DYM: variants seen among roughly 807,000 people sequenced by gnomAD.
DYM encodes the protein dymeclin.
Under a neutral mutation model 93.1 loss-of-function variants are expected in DYM, and 78 were observed. That is an observed-to-expected ratio of 0.84 (90% CI 0.70 to 1.01). DYM has a LOEUF of 1.01. DYM is among the 50% of genes least tolerant of loss of function. The pLI is 0.00. For missense variants in DYM, 789 were observed against 845.0 expected, an observed-to-expected ratio of 0.93 and a Z score of 0.82; for synonymous variants, 321 against 319.7, an observed-to-expected ratio of 1.00 and a Z score of -0.04.
intron 2 of DYM, among the ~76,000 whole-genome samples, chr18:49,395,431 A>T (rs1018970580): frequency 3.9e-5 from 6 of 152,100 alleles, no homozygotes; most frequent in Admixed American, 1.3e-4. Context: ...GGAGTTCAAG[A>T]CCAGCCTGAC....
intron 1 of DYM, among the ~76,000 whole-genome samples, chr18:49,446,627 G>T (rs1348866149): frequency 6.6e-6 from 1 of 152,164 alleles, no homozygotes; most frequent in East Asian, 1.9e-4. Flanking sequence ...CCACTATGTG[G>T]CCAGCAGTAT....
chr18:49,148,162 G>C (rs981080653), intron 15 of DYM, among the ~76,000 whole-genome samples: 10 of 152,100 alleles, frequency 6.6e-5, no homozygotes, highest in Non-Finnish European at 1.3e-4. Context: ...ATGGACACAG[G>C]AAGGGGAACA....
intron 14 of DYM, among the ~76,000 whole-genome samples, chr18:49,185,984 A>C (rs1438102868): frequency 6.6e-6 from 1 of 152,170 alleles, no homozygotes; most frequent in Non-Finnish European, 1.5e-5. Flanking sequence ...ACGATGTGTC[A>C]CTTTCAAAAC....
rs1024459797 is a variant in DYM at position 49,114,066 on chromosome 18, C to T, written c.1911+4678G>A. ...TGCTCTCCCTTCCTCCTAGGGATGG[C>T]GAAAGGGCCAATGACATAAAGCCCC... On this transcript the variant is annotated intron_variant, in intron 16 of 17. Coordinates refer to ENST00000675505, the MANE Select transcript of DYM (RefSeq NM_001353214.3). Among the ~76,000 whole-genome samples, 11 of 152,240 alleles carry T rather than the reference C, an allele frequency of 7.2e-5. No individual in the cohort carries two copies. In the South Asian group the frequency reaches 1.5e-3, roughly 20 times the overall value.
chr18:49,075,163 A>C (rs1447288422), intron 17 of DYM, among the ~76,000 whole-genome samples: 1 of 152,084 alleles, frequency 6.6e-6, no homozygotes, highest in Non-Finnish European at 1.5e-5. Flanking sequence ...AGGACCCATA[A>C]CCCTAAGGAC....
At chr18:49,198,179 T>C (rs897785721) in intron 14 of DYM, among the ~76,000 whole-genome samples, 5 of 152,168 alleles carry the variant, frequency 3.3e-5, no homozygotes, top group Admixed American at 6.5e-5. Context: ...GCTAGCCATA[T>C]GGAGAAAACT....
intron 17 of DYM, among the ~76,000 whole-genome samples, chr18:49,052,385 T>A (rs2075102126): frequency 6.6e-6 from 1 of 152,248 alleles, no homozygotes; most frequent in Non-Finnish European, 1.5e-5. Context: ...CCCTCTAAGA[T>A]GTCTTAGAAG....
At chr18:49,451,129 T>G (rs1472809621) in intron 1 of DYM, among the ~76,000 whole-genome samples, 1 of 152,254 alleles carries the variant, frequency 6.6e-6, no homozygotes, top group Non-Finnish European at 1.5e-5. Flanking sequence ...TCAAGGAAAC[T>G]TATTTTGAAC....
At chr18:49,452,092 G>C (rs768877046) in intron 1 of DYM, among the ~76,000 whole-genome samples, 2 of 152,230 alleles carry the variant, frequency 1.3e-5, no homozygotes, top group Non-Finnish European at 2.9e-5. Context: ...TTGACTTCAA[G>C]AATGAAGCCA....
chr18:49,423,404 G>C (rs2073935262), intron 2 of DYM, among the ~76,000 whole-genome samples: 1 of 152,130 alleles, frequency 6.6e-6, no homozygotes, highest in Non-Finnish European at 1.5e-5. Flanking sequence ...AGTGTGTAGA[G>C]GGAAATTTAT....
chr18:49,109,257 T>G (rs936446773), intron 16 of DYM, among the ~76,000 whole-genome samples: 3 of 152,198 alleles, frequency 2.0e-5, no homozygotes, highest in Admixed American at 1.3e-4. Flanking sequence ...TTTTTGTTGT[T>G]GTTGTTCCAC....
At chr18:49,416,509 A>C (rs77672922) in intron 2 of DYM, among the ~76,000 whole-genome samples, 13,906 of 152,202 alleles carry the variant, frequency 0.091, 857 homozygotes, top group East Asian at 0.31. Context: ...CTGGAACTCT[A>C]AGCTCATTAA....
At chr18:49,441,108 AATATAAATATAT>A (rs1568453349) in intron 1 of DYM, among the ~76,000 whole-genome samples, 1 of 7,190 alleles carries the variant, frequency 1.4e-4, no homozygotes, top group Non-Finnish European at 3.1e-4. Flanking sequence ...AATATATATT[AATATAAATATAT>A]TATATATTTA....
At position 49,209,576 on chromosome 18, in the gene DYM, G is replaced by C. The variant is rs977895076; in HGVS notation, c.1600C>G (p.His534Asp). The change falls in exon 14 of 18, where the codon CAC (histidine) becomes GAC (aspartate). Residue 534 changes from histidine to aspartate, a missense_variant. Around this residue, in one of 3 missense-constraint regions of DYM, gnomAD observed 225 missense variants for 303.0 expected, o/e 0.74. Transcript: ENST00000675505. ...CTGGAAGCATAGGATCTGAGAATGTGAGAGCAAGTTAAAGACAAGAGTTCC... is the reference window on the plus strand; with the variant it reads ...CTGGAAGCATAGGATCTGAGAATGTCAGAGCAAGTTAAAGACAAGAGTTCC... ...GEELLSLTCSHILRSYASSLF... is the reference protein window; with the variant it reads ...GEELLSLTCSDILRSYASSLF... 7 of 1,289,726 alleles carry C rather than the reference G, an allele frequency of 5.4e-6. No individual in the cohort carries two copies. Among genetic ancestry groups the C allele is most frequent in the Non-Finnish European group, 7.1e-6 (7 of 988,838 alleles). 79.9% of individuals were successfully genotyped at this position (1,289,726 alleles called of 1,614,324 possible).
chr18:49,139,197 T>C (rs1354290835), intron 15 of DYM, among the ~76,000 whole-genome samples: 2 of 152,176 alleles, frequency 1.3e-5, no homozygotes, highest in East Asian at 1.9e-4. Context: ...AAGAGAGCAG[T>C]TGAAATTCAA....
rs386387632 is a variant in DYM, at chr18:49,289,727, GTATATATATATATATATATATATATATA to G, written c.764-3139_764-3112del. The stretch of plus-strand genomic sequence containing the variant: ...CCCTATCTCAAATATATATATATGT[GTATATATATATATATATATATATATATA>G]TATATATATATATATATACACATAT... On this transcript the variant is annotated intron_variant, in intron 8 of 17. Transcript: ENST00000675505. Among the ~76,000 whole-genome samples the G allele has an allele frequency of 2.5e-4, 21 of 85,092 alleles. 1 individual carries two copies. The highest frequency in any genetic ancestry group is 9.1e-4 in the African/African-American group (18 of 19,748). 55.8% of individuals were successfully genotyped at this position (85,092 alleles called of 152,430 possible).
At chr18:49,415,063 A>T (rs1297350791) in intron 2 of DYM, among the ~76,000 whole-genome samples, 1 of 151,970 alleles carries the variant, frequency 6.6e-6, no homozygotes, top group Non-Finnish European at 1.5e-5. Flanking sequence ...CAGCTCACTG[A>T]AACCTCTGTT....
At chr18:49,286,409 A>G in intron 9 of DYM, 25 bp downstream of exon 9, 2 of 1,612,122 alleles carry the variant, frequency 1.2e-6, no homozygotes, top group Non-Finnish European at 8.5e-7. Flanking sequence ...ATTACAAAGA[A>G]TATTAGAGAA....
chr18:49,175,273 C>T (rs1007117935), intron 14 of DYM, among the ~76,000 whole-genome samples: 5 of 152,278 alleles, frequency 3.3e-5, no homozygotes, highest in Admixed American at 6.5e-5. Flanking sequence ...TCTTTTCTAT[C>T]GTTCTTACTC....
Sources: allele counts gnomAD v4.1 joint callset (sites outside exome capture counted in the v4.1 genomes callset), GRCh38; gene constraint gnomAD v4.1.1; regional missense constraint gnomAD v4.1.1; transcripts MANE v1.5; gene names NCBI Gene and HGNC (gene_info 2026-07-23, HGNC 2026-07-21).